PPARGC1A: variants seen among roughly 807,000 people sequenced by gnomAD.
PPARGC1A encodes the protein peroxisome proliferator-activated receptor gamma coactivator 1-alpha.
A neutral mutation model predicts 88.7 loss-of-function variants in PPARGC1A; 25 were observed. That is an observed-to-expected ratio of 0.28 (90% confidence interval 0.21 to 0.39). PPARGC1A has a LOEUF of 0.39. PPARGC1A is among the 10% of genes least tolerant of loss of function. The probability of loss-of-function intolerance (pLI) is 1.00; values close to 1 mark genes in which losing one functional copy is unlikely to be tolerated. For missense variants in PPARGC1A, 880 were observed against 968.7 expected (o/e 0.91, Z 1.22); for synonymous variants, 363 against 355.6 (o/e 1.02, Z -0.24).
the PPARGC1A span, among the ~76,000 whole-genome samples, chr4:24,192,810 T>C: frequency 1.3e-5 from 2 of 152,230 alleles, no homozygotes; most frequent in Admixed American, 1.3e-4. Context: ...GAAATAATTA[T>C]AGCTACACTG....
upstream of PPARGC1A, among the ~76,000 whole-genome samples, chr4:23,907,689 G>A (rs910061847): frequency 3.9e-5 from 6 of 152,122 alleles, no homozygotes; most frequent in Admixed American, 1.3e-4. Flanking sequence ...CTTTTAGAGC[G>A]CCTACTCTGC....
the PPARGC1A span, among the ~76,000 whole-genome samples, chr4:24,169,872 C>G: frequency 8.1e-4 from 123 of 152,232 alleles, no homozygotes; most frequent in African/African-American, 2.7e-3. Flanking sequence ...CAAAGCCATC[C>G]ACATGACACA....
the PPARGC1A span, among the ~76,000 whole-genome samples, chr4:23,990,813 G>A: frequency 2.6e-5 from 4 of 152,178 alleles, no homozygotes; most frequent in Admixed American, 1.3e-4. Context: ...CTTTTAACTG[G>A]AGGAGAGTAA....
the PPARGC1A span, among the ~76,000 whole-genome samples, chr4:24,122,413 G>A: frequency 2.4e-5 from 3 of 124,832 alleles, no homozygotes; most frequent in African/African-American, 6.2e-5. Flanking sequence ...GTGTGTGTGT[G>A]TGCATATATA....
At chr4:24,169,853 ATC>A in the PPARGC1A span, among the ~76,000 whole-genome samples, 824 of 152,182 alleles carry the variant, frequency 5.4e-3, 32 homozygotes, top group East Asian at 0.097. Flanking sequence ...CAAAAAGATA[ATC>A]TCTCTCCAAA....
the PPARGC1A span, among the ~76,000 whole-genome samples, chr4:24,051,872 G>A: frequency 6.6e-6 from 1 of 150,410 alleles, no homozygotes; most frequent in South Asian, 2.1e-4. Flanking sequence ...CCGAGGCATT[G>A]AGCATGGAAG....
the PPARGC1A span, among the ~76,000 whole-genome samples, chr4:24,325,663 T>C: frequency 6.6e-6 from 1 of 152,202 alleles, no homozygotes; most frequent in South Asian, 2.1e-4. Flanking sequence ...CTTCTCGGCT[T>C]AGCGGCTGAA....
the PPARGC1A span, among the ~76,000 whole-genome samples, chr4:24,402,285 C>T: frequency 6.6e-6 from 1 of 152,190 alleles, no homozygotes; most frequent in South Asian, 2.1e-4. Context: ...GCGGCTGCTA[C>T]AGCTGTCTCC....
chr4:23,864,384 C>G (rs1436151412), intron 2 of PPARGC1A, among the ~76,000 whole-genome samples: 1 of 152,218 alleles, frequency 6.6e-6, no homozygotes, highest in African/African-American at 2.4e-5. Context: ...CTGTAATTAT[C>G]ATGGTTTCCG....
chr4:24,142,074 T>C, the PPARGC1A span, among the ~76,000 whole-genome samples: 935 of 152,320 alleles, frequency 6.1e-3, 28 homozygotes, highest in East Asian at 0.097. Flanking sequence ...TAGTGCCACA[T>C]ACATGGAACA....
intron 2 of PPARGC1A, among the ~76,000 whole-genome samples, chr4:23,874,338 T>C (rs1577608469): frequency 6.6e-6 from 1 of 152,320 alleles, no homozygotes; most frequent in East Asian, 1.9e-4. Context: ...CAGAAACAGA[T>C]GTGCAGTGTG....
At chr4:23,989,287 C>T in the PPARGC1A span, among the ~76,000 whole-genome samples, 14 of 152,058 alleles carry the variant, frequency 9.2e-5, no homozygotes, top group Admixed American at 5.3e-4. Flanking sequence ...GTTTCTGTAG[C>T]AGTTGAACAC....
the PPARGC1A span, among the ~76,000 whole-genome samples, chr4:24,436,984 C>T: frequency 6.6e-6 from 1 of 152,244 alleles, no homozygotes; most frequent in African/African-American, 2.4e-5. Context: ...GAGACCTCAG[C>T]TGAGCAGGGG....
At chr4:24,119,883 G>A in the PPARGC1A span, among the ~76,000 whole-genome samples, 1 of 152,072 alleles carries the variant, frequency 6.6e-6, no homozygotes, top group African/African-American at 2.4e-5. Context: ...TCTTCTGCCT[G>A]AAACTTAGTC....
At chr4:24,289,778 C>A in the PPARGC1A span, among the ~76,000 whole-genome samples, 1 of 152,142 alleles carries the variant, frequency 6.6e-6, no homozygotes, top group Non-Finnish European at 1.5e-5. Context: ...ACATTGATCA[C>A]CACTTCCAGC....
the PPARGC1A span, among the ~76,000 whole-genome samples, chr4:23,927,687 T>C: frequency 1.3e-5 from 2 of 152,000 alleles, no homozygotes; most frequent in Admixed American, 6.6e-5. Flanking sequence ...TTCCTATTCT[T>C]ACCATCTACA....
intron 7 of PPARGC1A, among the ~76,000 whole-genome samples, chr4:23,819,086 T>C (rs571237448): frequency 6.6e-6 from 1 of 152,018 alleles, no homozygotes; most frequent in Non-Finnish European, 1.5e-5. Context: ...TCAGGCCTCA[T>C]GAATTTGGAG....
the PPARGC1A span, among the ~76,000 whole-genome samples, chr4:23,925,590 T>G: frequency 6.6e-6 from 1 of 152,184 alleles, no homozygotes; most frequent in East Asian, 1.9e-4. Context: ...GAAGGAGACG[T>G]ATTTTGAGGA....
chr4:24,427,945 T>C, the PPARGC1A span, among the ~76,000 whole-genome samples: 30 of 152,032 alleles, frequency 2.0e-4, no homozygotes, highest in African/African-American at 7.0e-4. Flanking sequence ...ACCTCTTTTC[T>C]ATAAAAAAAA....
Sources: gnomAD v4.1 joint callset for allele counts (sites outside exome capture counted in the v4.1 genomes callset) on GRCh38, gnomAD v4.1.1 for gene constraint, MANE v1.5 for transcripts, NCBI Gene and HGNC (gene_info 2026-07-23, HGNC 2026-07-21) for gene names.